The following EIF4G3 variants were observed in gnomAD, a reference collection of about 807,000 sequenced individuals.
The protein encoded by EIF4G3 is eukaryotic translation initiation factor 4 gamma 3.
A neutral mutation model predicts 186.4 loss-of-function variants in EIF4G3; 34 were observed. The ratio of observed to expected loss-of-function variants is 0.18; its 90% CI spans 0.14 to 0.24. The LOEUF is 0.24. Among genes scored for constraint, EIF4G3 ranks in the 10% least tolerant of loss-of-function variants. The probability of loss-of-function intolerance (pLI) is 1.00; values close to 1 mark genes in which losing one functional copy is unlikely to be tolerated. For missense variants in EIF4G3, 1,536 were observed against 1,948.5 expected (o/e 0.79, Z 3.99); for synonymous variants, 673 against 679.5 (o/e 0.99, Z 0.15).
At chr1:21,089,353 A>C (rs1367734377) in intron 2 of EIF4G3, 140 bp from the exon 3 acceptor site, 9 of 597,698 alleles carry the variant, frequency 1.5e-5, no homozygotes, top group Non-Finnish European at 2.7e-5. Flanking sequence ...TAAAACTAAA[A>C]ACCAAATGTT....
intron 14 of EIF4G3, among the ~76,000 whole-genome samples, chr1:20,912,312 TA>T (rs2093345442): frequency 6.6e-6 from 1 of 152,202 alleles, no homozygotes; most frequent in Non-Finnish European, 1.5e-5. Context: ...AAAGCTGTTT[TA>T]TTTTCTACAT....
chr1:21,126,582 G>A (rs1452118972), intron 2 of EIF4G3, among the ~76,000 whole-genome samples: 2 of 151,830 alleles, frequency 1.3e-5, no homozygotes, highest in Admixed American at 1.3e-4. Flanking sequence ...CTTGATCCCA[G>A]GAGTTTCAGG....
At chr1:20,882,199 AC>A (rs1270387998) in intron 19 of EIF4G3, among the ~76,000 whole-genome samples, 71 of 151,934 alleles carry the variant, frequency 4.7e-4, no homozygotes, top group Middle Eastern at 6.8e-3. Flanking sequence ...ACACACACAC[AC>A]ACACACACAC....
intron 31 of EIF4G3, among the ~76,000 whole-genome samples, chr1:20,828,597 T>C (rs910933900): frequency 6.6e-5 from 10 of 152,208 alleles, no homozygotes; most frequent in South Asian, 2.1e-4. Context: ...TGTGCAAAGT[T>C]TGACTATATA....
intron 3 of EIF4G3, among the ~76,000 whole-genome samples, chr1:21,054,404 T>C (rs1427418991): frequency 6.8e-6 from 1 of 146,132 alleles, no homozygotes; most frequent in Non-Finnish European, 1.5e-5. Context: ...TGACCTTCCC[T>C]CCACTATTGT....
chr1:20,860,539 T>C, intron 23 of EIF4G3, 22 bp from the exon 24 acceptor site: 2 of 1,602,456 alleles, frequency 1.2e-6, no homozygotes, highest in Admixed American at 1.8e-5. Context: ...GAAAATAAGG[T>C]TATCTGCCAG....
chr1:21,075,159 T>C (rs992192832), intron 3 of EIF4G3, among the ~76,000 whole-genome samples: 2 of 152,136 alleles, frequency 1.3e-5, no homozygotes, highest in African/African-American at 2.4e-5. Flanking sequence ...TTAGTACTTA[T>C]CTATCAATAA....
At chr1:21,082,882 C>T (rs1009084453) in intron 3 of EIF4G3, among the ~76,000 whole-genome samples, 10 of 150,802 alleles carry the variant, frequency 6.6e-5, no homozygotes, top group African/African-American at 2.4e-4. Flanking sequence ...ACTAAAAATA[C>T]AAAAAATTAG....
Position 20,967,441 on chromosome 1 carries a change from C to G in EIF4G3, c.714+2033G>C, listed in dbSNP as rs572678197. Among the ~76,000 whole-genome samples, 95 of 152,298 alleles carry G rather than the reference C, an allele frequency of 6.2e-4. 3 individuals are homozygous for G. In the South Asian group the frequency reaches 0.018, roughly 29 times the overall value. On this transcript the variant is annotated intron_variant, in intron 12 of 36. Coordinates refer to ENST00000602326, the MANE Select transcript of EIF4G3 (RefSeq NM_001391906.1). ...ATTTGAAAATTTTGCTTATCCCATGCTCACTTCCAGGGAAGAGACTAAATA... is the reference window on the plus strand; with the variant it reads ...ATTTGAAAATTTTGCTTATCCCATGGTCACTTCCAGGGAAGAGACTAAATA...
At chr1:21,030,567 C>T (rs2092649931) in intron 4 of EIF4G3, among the ~76,000 whole-genome samples, 1 of 152,118 alleles carries the variant, frequency 6.6e-6, no homozygotes, top group Admixed American at 6.6e-5. Context: ...TTACCAGCAC[C>T]CTGAAAATGG....
At chr1:21,020,535 T>C (rs555796367) in intron 4 of EIF4G3, among the ~76,000 whole-genome samples, 1 of 152,176 alleles carries the variant, frequency 6.6e-6, no homozygotes, top group African/African-American at 2.4e-5. Flanking sequence ...AGAATACCAT[T>C]TATCTGTTGG....
At chr1:20,921,146 GA>G (rs1159284477) in intron 14 of EIF4G3, among the ~76,000 whole-genome samples, 1 of 151,732 alleles carries the variant, frequency 6.6e-6, no homozygotes, top group Non-Finnish European at 1.5e-5. Context: ...TATGCATAAA[GA>G]AAAAAAATCT....
chr1:20,864,148 TCTGCA>T (rs1302865708), intron 22 of EIF4G3, among the ~76,000 whole-genome samples: 1 of 152,246 alleles, frequency 6.6e-6, no homozygotes, highest in Admixed American at 6.5e-5. Context: ...GGTCTTCATT[TCTGCA>T]CTACCCTTAG....
chr1:20,950,888 T>C (rs1461731975), intron 12 of EIF4G3, among the ~76,000 whole-genome samples: 3 of 152,148 alleles, frequency 2.0e-5, no homozygotes, highest in Non-Finnish European at 4.4e-5. Flanking sequence ...ACATGAACAT[T>C]CATTCTACAT....
intron 18 of EIF4G3, among the ~76,000 whole-genome samples, chr1:20,886,827 C>T (rs1453088745): frequency 2.0e-5 from 3 of 152,072 alleles, no homozygotes; most frequent in African/African-American, 7.2e-5. Flanking sequence ...AAAGATTCCA[C>T]TCATTATGCT....
chr1:20,904,348 T>C (rs2091414213), intron 15 of EIF4G3, among the ~76,000 whole-genome samples: 1 of 152,130 alleles, frequency 6.6e-6, no homozygotes, highest in Admixed American at 6.5e-5. Flanking sequence ...AAAATTGTCA[T>C]TTTATTTATT....
chr1:20,959,585 A>C (rs2096524797), intron 12 of EIF4G3, among the ~76,000 whole-genome samples: 1 of 151,498 alleles, frequency 6.6e-6, no homozygotes, highest in South Asian at 2.1e-4. Context: ...AATAGAGTAA[A>C]AAGACAACCC....
At chr1:20,872,713 CTTTTTTTTT>C (rs386366427) in intron 20 of EIF4G3, among the ~76,000 whole-genome samples, 3 of 81,836 alleles carry the variant, frequency 3.7e-5, no homozygotes, top group Non-Finnish European at 5.1e-5. Flanking sequence ...ACTTTCTTGC[CTTTTTTTTT>C]TTTTTTTTTT....
intron 10 of EIF4G3, among the ~76,000 whole-genome samples, chr1:20,976,512 A>C (rs1236909098): frequency 2.0e-5 from 3 of 152,214 alleles, no homozygotes; most frequent in African/African-American, 7.2e-5. Flanking sequence ...TATGTTTTCT[A>C]CTTTATTTTA....
Sources: gnomAD v4.1 joint callset for allele counts (sites outside exome capture counted in the v4.1 genomes callset) on GRCh38, gnomAD v4.1.1 for gene constraint, MANE v1.5 for transcripts, NCBI Gene and HGNC (gene_info 2026-07-23, HGNC 2026-07-21) for gene names.